The following ARHGAP22 variants were observed in gnomAD, a reference collection of about 807,000 sequenced individuals.
ARHGAP22 encodes Rho GTPase activating protein 22.
A neutral mutation model predicts 59.1 loss-of-function variants in ARHGAP22; 48 were observed. That is an observed-to-expected ratio of 0.81 (90% CI 0.64 to 1.03). ARHGAP22 has a LOEUF of 1.03. ARHGAP22 is among the 50% of genes least tolerant of loss of function. ARHGAP22 has a pLI of 0.00. For synonymous variants in ARHGAP22, 445 were observed against 416.4 expected (o/e 1.07, Z -0.84); for missense variants, 1,015 against 958.7 (o/e 1.06, Z -0.78).
chr10:48,450,367 G>T lies in ARHGAP22; in HGVS notation c.1762C>A (p.Pro588Thr). Residue 588 changes from proline (P) to threonine (T), a missense_variant, in exon 9 of 10, where the codon CCC becomes ACC. Transcript: ENST00000249601. Reference sequence around the variant, plus strand: ...GAGCGGCGCGCGTGTTCCCGGGTGGGGCTGTCCGGCTCGCTGGGCTCGCTG... The same window carrying T: ...GAGCGGCGCGCGTGTTCCCGGGTGGTGCTGTCCGGCTCGCTGGGCTCGCTG... ...SNSEPSEPDS[P>T]TREHARRSEA... is the part of the protein sequence containing the mutation. 6.3e-7 allele frequency: 1 copy of T among 1,584,682 alleles called. No homozygotes were observed. The highest frequency in any genetic ancestry group is 1.1e-5 in the South Asian group (1 of 87,236).
At chr10:48,632,689 G>C (rs2061668167) in intron 1 of ARHGAP22, among the ~76,000 whole-genome samples, 1 of 152,136 alleles carries the variant, frequency 6.6e-6, no homozygotes, top group African/African-American at 2.4e-5. Context: ...GTGCACACAG[G>C]TCTTCACAAG....
chr10:48,652,545 GTAT>G, exon 1 of ARHGAP22: 1 of 525,664 alleles, frequency 1.9e-6, no homozygotes, highest in Non-Finnish European at 3.4e-6. Flanking sequence ...GGGTCTTGGG[GTAT>G]CAGTTCCTCA....
At chr10:48,522,354 A>G (rs948577996) in intron 3 of ARHGAP22, among the ~76,000 whole-genome samples, 1 of 152,208 alleles carries the variant, frequency 6.6e-6, no homozygotes, top group Non-Finnish European at 1.5e-5. Flanking sequence ...ACACTCCCAG[A>G]CCAGGCTTTT....
chr10:48,649,616 C>T (rs575618919), intron 1 of ARHGAP22, among the ~76,000 whole-genome samples: 9 of 152,174 alleles, frequency 5.9e-5, no homozygotes, highest in Non-Finnish European at 1.2e-4. Flanking sequence ...GGGAGACAAC[C>T]AGGCAGACCA....
At chr10:48,533,110 C>T (rs1351938688) in intron 3 of ARHGAP22, among the ~76,000 whole-genome samples, 2 of 152,000 alleles carry the variant, frequency 1.3e-5, no homozygotes, top group African/African-American at 4.8e-5. Flanking sequence ...TAACAAGAAC[C>T]CCTGTCCCCG....
At chr10:48,444,899 T>G (rs1324686136), downstream of ARHGAP22, 1 of 152,070 alleles carries the variant, frequency 6.6e-6, no homozygotes, top group African/African-American at 2.4e-5. Flanking sequence ...CAGGGAAAAA[T>G]CCCATCACCC....
intron 3 of ARHGAP22, among the ~76,000 whole-genome samples, chr10:48,487,747 T>A (rs376613920): frequency 6.6e-6 from 1 of 152,276 alleles, no homozygotes; most frequent in African/African-American, 2.4e-5. Context: ...TTGCATTGTT[T>A]AAGCCACTAA....
chr10:48,552,141 G>A (rs1302362507), intron 3 of ARHGAP22, among the ~76,000 whole-genome samples: 1 of 152,232 alleles, frequency 6.6e-6, no homozygotes, highest in Non-Finnish European at 1.5e-5. Context: ...TAAAATTTAC[G>A]TAGTTAATTC....
chr10:48,451,249 G>C, intron 8 of ARHGAP22, 109 bp from the exon 9 acceptor site: 1 of 1,442,916 alleles, frequency 6.9e-7, no homozygotes, highest in Non-Finnish European at 9.5e-7. Context: ...CCTGTCCCCA[G>C]AGCCAGGCCG....
At chr10:48,431,566 A>G in the ARHGAP22 span, among the ~76,000 whole-genome samples, 38 of 152,190 alleles carry the variant, frequency 2.5e-4, no homozygotes, top group Admixed American at 7.9e-4. Context: ...TCAAAATTCA[A>G]TATACATACC....
chr10:48,650,052 T>G (rs1589330051), intron 1 of ARHGAP22, among the ~76,000 whole-genome samples: 19 of 125,188 alleles, frequency 1.5e-4, no homozygotes, highest in Admixed American at 2.4e-4. Context: ...GACCAGGAGG[T>G]GGCAGGTGGA....
downstream of ARHGAP22, among the ~76,000 whole-genome samples, chr10:48,443,202 T>C (rs547710832): frequency 2.0e-5 from 3 of 152,334 alleles, no homozygotes; most frequent in East Asian, 3.9e-4. Flanking sequence ...TTCGCAGCAG[T>C]GTACAGACAT....
upstream of ARHGAP22, among the ~76,000 whole-genome samples, chr10:48,607,733 C>G (rs572090318): frequency 3.3e-5 from 5 of 152,360 alleles, no homozygotes; most frequent in East Asian, 7.7e-4. Context: ...CCTCCTTCTC[C>G]ACTGCCCTGT....
intron 4 of ARHGAP22, among the ~76,000 whole-genome samples, chr10:48,470,716 G>A (rs919870101): frequency 3.9e-5 from 6 of 152,320 alleles, no homozygotes; most frequent in African/African-American, 1.4e-4. Context: ...GCCTAGCCCA[G>A]GTCTGCAAGA....
At chr10:48,617,598 C>G (rs2061131460) in intron 1 of ARHGAP22, among the ~76,000 whole-genome samples, 1 of 151,818 alleles carries the variant, frequency 6.6e-6, no homozygotes, top group African/African-American at 2.4e-5. Context: ...ATGCTCTTGA[C>G]CAACCAATGG....
intron 3 of ARHGAP22, among the ~76,000 whole-genome samples, chr10:48,493,936 A>G (rs1336820904): frequency 6.6e-6 from 1 of 152,180 alleles, no homozygotes; most frequent in Non-Finnish European, 1.5e-5. Flanking sequence ...GGTATTGGAG[A>G]TTAATGAATG....
chr10:48,632,506 T>C (rs1203995661), intron 1 of ARHGAP22, among the ~76,000 whole-genome samples: 1 of 152,228 alleles, frequency 6.6e-6, no homozygotes, highest in East Asian at 1.9e-4. Context: ...CTTGTTCTTC[T>C]AAAGGAAAGG....
chr10:48,432,558 G>A, the ARHGAP22 span, among the ~76,000 whole-genome samples: 1 of 152,080 alleles, frequency 6.6e-6, no homozygotes, highest in East Asian at 1.9e-4. Flanking sequence ...AATTAGCTTT[G>A]TATTGCTATA....
intron 3 of ARHGAP22, among the ~76,000 whole-genome samples, chr10:48,520,293 A>G (rs953359778): frequency 3.3e-5 from 5 of 152,226 alleles, no homozygotes; most frequent in African/African-American, 1.2e-4. Context: ...ACTTATAGCC[A>G]AAAGCCAGCA....
Sources: allele counts gnomAD v4.1 joint callset (sites outside exome capture counted in the v4.1 genomes callset), GRCh38; gene constraint gnomAD v4.1.1; transcripts MANE v1.5; gene names NCBI Gene and HGNC (gene_info 2026-07-23, HGNC 2026-07-21).